Variants in OR2M4 observed in about 807,000 individuals in gnomAD.
OR2M4 encodes olfactory receptor family 2 subfamily M member 4.
OR2M4 carries 8 observed loss-of-function variants against 13.7 expected under a neutral mutation model. That is an observed-to-expected ratio of 0.58 (90% CI 0.34 to 1.05). The LOEUF is 1.05. Ranked by LOEUF, OR2M4 falls within the 50% of genes least tolerant of loss-of-function variation. The probability of loss-of-function intolerance (pLI) is 0.02; values close to 1 mark genes in which losing one functional copy is unlikely to be tolerated. For synonymous variants in OR2M4, 152 were observed against 141.3 expected (o/e 1.08, Z -0.53); for missense variants, 374 against 381.6 (o/e 0.98, Z 0.17).
In OR2M4 at chr1:248,239,007, C is replaced by CT. The variant is rs1666585834; in HGVS notation, c.85dup (p.Ser29PhefsTer83). On this transcript the variant is annotated frameshift_variant, in exon 2 of 2. Transcript: ENST00000641868. LOFTEE classifies it high-confidence loss of function. ...CAATCACAGTCCCACCCACACCTTC[C>CT]TTTTTTCTCTGGTCCTGGGCATCTT... is the stretch of plus-strand genomic sequence containing the variant. 6 of 1,613,898 alleles carry CT rather than the reference C, an allele frequency of 3.7e-6. No individual in the cohort carries two copies. In the Admixed American group the frequency reaches 6.7e-5, roughly 18 times the overall value.
rs561699979 is a variant in OR2M4, at chr1:248,244,016, G to C, written c.*4152G>C. Reference sequence around the variant, plus strand: ...TGAGAGACCATCTCACACCAGTCCCGTCAAAATGACCATTAATAAAGTCAA... The same window carrying C: ...TGAGAGACCATCTCACACCAGTCCCCTCAAAATGACCATTAATAAAGTCAA... On this transcript the variant is annotated 3_prime_UTR_variant, in exon 2 of 2. Coordinates refer to ENST00000641868, the MANE Select transcript of OR2M4 (RefSeq NM_017504.2). 6.6e-6 allele frequency: 1 copy of C among 152,096 alleles called. No homozygotes were observed. Among genetic ancestry groups the C allele is most frequent in the Non-Finnish European group, 1.5e-5 (1 of 68,008 alleles). The allele number at this position is 152,096 out of a possible 1,614,324, so 9.4% of individuals were successfully genotyped here. A position where few individuals can be genotyped will look rare whatever the true frequency, so the allele number is the denominator to read the frequency against.
At chr1:248,234,324 T>G (rs779223470) in intron 1 of OR2M4, among the ~76,000 whole-genome samples, 1 of 152,052 alleles carries the variant, frequency 6.6e-6, no homozygotes, top group Non-Finnish European at 1.5e-5. Flanking sequence ...CCAGGATACA[T>G]GTGCAGAACA....
Position 248,243,514 on chromosome 1 carries a change from C to G in OR2M4, c.*3650C>G, listed in dbSNP as rs1375797934. The G allele has an allele frequency of 6.6e-6, 1 of 152,210 alleles. No homozygotes were observed. The highest frequency in any genetic ancestry group is 1.5e-5 in the Non-Finnish European group (1 of 68,060). 9.4% of individuals were successfully genotyped at this position (152,210 alleles called of 1,614,324 possible). ...TAGATGTTTCGGGCTACAGCCCTCC[C>G]TCAGGCAGAGGCCACAGCAGAGAGA... On this transcript the variant is annotated 3_prime_UTR_variant, in exon 2 of 2. Coordinates refer to ENST00000641868, the MANE Select transcript of OR2M4 (RefSeq NM_017504.2).
At position 248,239,660 on chromosome 1, in the gene OR2M4, C is replaced by A. The variant is rs746091746; in HGVS notation, c.732C>A (p.His244Gln). The A allele has an allele frequency of 6.2e-7, 1 of 1,614,116 alleles. No individual in the cohort carries two copies. Among genetic ancestry groups the A allele is most frequent in the South Asian group, 1.1e-5 (1 of 91,078 alleles). The change falls in exon 2 of 2, where the codon CAC becomes CAA. Residue 244 changes from histidine to glutamine, a missense_variant. Physicochemically the swap from His to Gln is conservative, Grantham distance 24. Transcript: ENST00000641868. ...AGGCCTTCACTACCTGCTCCTCCCA[C>A]CTGTCTGTGGTCGGACTCTACTACG... Reference protein sequence around the residue: ...RRKAFTTCSSHLSVVGLYYGA... With the variant: ...RRKAFTTCSSQLSVVGLYYGA...
Position 248,239,846 on chromosome 1 carries a change from G to T in OR2M4, c.918G>T (p.Lys306Asn). Residue 306 changes from lysine (K) to asparagine (N), a missense_variant, in exon 2 of 2, where the codon AAG becomes AAT. Transcript: ENST00000641868. ...TCAGGGCACTACAGAAGGTACTGAA[G>T]AAAAGAAAGTTAATATGACCTTATC... ...EVFRALQKVL[K>N]KRKLI The T allele has an allele frequency of 1.3e-6, 2 of 1,596,364 alleles. No homozygotes were observed. The highest frequency in any genetic ancestry group is 1.7e-6 in the Non-Finnish European group (2 of 1,173,012).
At chr1:248,232,747 G>A (rs530956632) in intron 1 of OR2M4, among the ~76,000 whole-genome samples, 1 of 152,080 alleles carries the variant, frequency 6.6e-6, no homozygotes, top group Non-Finnish European at 1.5e-5. Flanking sequence ...GAAAGGTACT[G>A]CTCCTTCTTT....
intron 1 of OR2M4, among the ~76,000 whole-genome samples, chr1:248,235,976 T>G (rs557704345): frequency 6.6e-6 from 1 of 152,150 alleles, no homozygotes; most frequent in Non-Finnish European, 1.5e-5. Context: ...TCTTCCTATT[T>G]GAATACCCTT....
At position 248,234,255 on chromosome 1, in the gene OR2M4, A is replaced by G. The variant is rs1264839411; in HGVS notation, c.-20+2675A>G. On this transcript the variant is annotated intron_variant, in intron 1 of 1. Coordinates refer to ENST00000641868, the MANE Select transcript of OR2M4 (RefSeq NM_017504.2). ...CACAACTACATCCTGAGTTCTGCCC[A>G]TCTTGAACTGGGCTGAGTCAAATAT... 2.0e-5 allele frequency among the ~76,000 whole-genome samples: 3 copies of G among 151,856 alleles called. No homozygotes were observed. In the East Asian group the frequency reaches 5.8e-4, roughly 29 times the overall value.
At chr1:248,236,659 A>G (rs1223609292) in intron 1 of OR2M4, among the ~76,000 whole-genome samples, 1 of 152,150 alleles carries the variant, frequency 6.6e-6, no homozygotes, top group East Asian at 1.9e-4. Flanking sequence ...AAAATAAAAT[A>G]GACTGCTGGC....
At chr1:248,236,591 A>C (rs1558261139) in intron 1 of OR2M4, among the ~76,000 whole-genome samples, 1 of 152,034 alleles carries the variant, frequency 6.6e-6, no homozygotes, top group Non-Finnish European at 1.5e-5. Flanking sequence ...TAGAGACACA[A>C]AAAAAAGCCT....
At chr1:248,233,958 T>G (rs1666531526) in intron 1 of OR2M4, among the ~76,000 whole-genome samples, 1 of 152,158 alleles carries the variant, frequency 6.6e-6, no homozygotes, top group African/African-American at 2.4e-5. Flanking sequence ...CCACTGTTAT[T>G]GCCTGGGGTT....
chr1:248,238,779 C>T, intron 1 of OR2M4, 131 bp from the exon 2 acceptor site: 1 of 597,958 alleles, frequency 1.7e-6, no homozygotes, highest in Non-Finnish European at 3.0e-6. Flanking sequence ...TTTACCATGA[C>T]TAAAGGAAGG....
At chr1:248,233,052 TTAAGA>T (rs1279572757) in intron 1 of OR2M4, among the ~76,000 whole-genome samples, 2 of 152,150 alleles carry the variant, frequency 1.3e-5, no homozygotes, top group African/African-American at 2.4e-5. Flanking sequence ...TTTAATTTAG[TTAAGA>T]TAAAATAAAG....
rs1299259177 is a variant in OR2M4 at position 248,244,367 on chromosome 1, A to G, written c.*4503A>G. On this transcript the variant is annotated 3_prime_UTR_variant, in exon 2 of 2. Coordinates refer to ENST00000641868, the MANE Select transcript of OR2M4 (RefSeq NM_017504.2). ...AGAGTGCTACATAGCCATAAAAAAG[A>G]ACAAAATCATGTCCTTTGTAGCAAC... 1.3e-5 allele frequency: 2 copies of G among 152,228 alleles called. No homozygotes were observed. The highest frequency in any genetic ancestry group is 1.9e-4 in the East Asian group (1 of 5,202). The allele number at this position is 152,228 out of a possible 1,614,324, so 9.4% of individuals were successfully genotyped here. A position where few individuals can be genotyped will look rare whatever the true frequency, so the allele number is the denominator to read the frequency against.
At position 248,239,075 on chromosome 1, in the gene OR2M4, C is replaced by G; in HGVS notation, c.147C>G (p.Ile49Met). The change falls in exon 2 of 2, where the codon ATC becomes ATG. Residue 49 changes from isoleucine to methionine, a missense_variant. Physicochemically the swap from Ile to Met is conservative, Grantham distance 10. Transcript: ENST00000641868. ...LMENISMVLL[I>M]YIEKQLHTPM... ...AAAATATTTCCATGGTTCTCCTCAT[C>G]TACATAGAGAAACAGCTCCACACCC... The G allele has an allele frequency of 3.7e-6, 6 of 1,614,038 alleles. No individual in the cohort carries two copies. The highest frequency in any genetic ancestry group is 5.1e-6 in the Non-Finnish European group (6 of 1,179,984).
intron 1 of OR2M4, among the ~76,000 whole-genome samples, chr1:248,237,649 C>T (rs1666571880): frequency 2.0e-5 from 3 of 151,910 alleles, no homozygotes. Flanking sequence ...AAGACTCTGT[C>T]CCCCCCAAAA....
At position 248,243,261 on chromosome 1, in the gene OR2M4, T is replaced by G. The variant is rs1008087588; in HGVS notation, c.*3397T>G. 1.3e-5 allele frequency: 2 copies of G among 152,238 alleles called. No individual in the cohort carries two copies. Among genetic ancestry groups the G allele is most frequent in the African/African-American group, 2.4e-5 (1 of 41,448 alleles). 9.4% of individuals were successfully genotyped at this position (152,238 alleles called of 1,614,324 possible). A position where few individuals can be genotyped will look rare whatever the true frequency, so the allele number is the denominator to read the frequency against. On this transcript the variant is annotated 3_prime_UTR_variant, in exon 2 of 2. Transcript: ENST00000641868. ...AAACAATATTTTGGACGTATTAGTTTTAACTTAATTTTTGGTGTTGAAGTT... is the reference window on the plus strand; with the variant it reads ...AAACAATATTTTGGACGTATTAGTTGTAACTTAATTTTTGGTGTTGAAGTT...
chr1:248,235,100 A>G (rs1445208590), intron 1 of OR2M4, among the ~76,000 whole-genome samples: 1 of 151,966 alleles, frequency 6.6e-6, no homozygotes, highest in Non-Finnish European at 1.5e-5. Context: ...CCTGAATCGT[A>G]TTGCCTAGAT....
Position 248,239,083 on chromosome 1 carries a change from A to T in OR2M4, c.155A>T (p.Glu52Val). Residue 52 changes from glutamate to valine, a missense_variant, in exon 2 of 2, where the codon GAG becomes GTG. Transcript: ENST00000641868. ...NISMVLLIYIEKQLHTPMYFL... is the reference protein window; with the variant it reads ...NISMVLLIYIVKQLHTPMYFL... ...TCCATGGTTCTCCTCATCTACATAG[A>T]GAAACAGCTCCACACCCCCATGTAC... 6.2e-7 allele frequency: 1 copy of T among 1,614,000 alleles called. No individual in the cohort carries two copies. Among genetic ancestry groups the T allele is most frequent in the Non-Finnish European group, 8.5e-7 (1 of 1,180,006 alleles).
Sources: gnomAD v4.1 joint callset for allele counts (sites outside exome capture counted in the v4.1 genomes callset) on GRCh38, gnomAD v4.1.1 for gene constraint, MANE v1.5 for transcripts, NCBI Gene and HGNC (gene_info 2026-07-23, HGNC 2026-07-21) for gene names.